The following RPRD2 variants were observed in gnomAD, a reference collection of about 807,000 sequenced individuals.
The protein encoded by RPRD2 is regulation of nuclear pre-mRNA domain-containing protein 2.
Under a neutral mutation model 104.4 loss-of-function variants are expected in RPRD2, and 12 were observed. The observed-to-expected ratio is 0.11, with a 90% CI of 0.07 to 0.19. RPRD2 has a LOEUF of 0.19. Among genes scored for constraint, RPRD2 ranks in the 10% least tolerant of loss-of-function variants. RPRD2 has a pLI of 1.00. For synonymous variants in RPRD2, 714 were observed against 684.9 expected (o/e 1.04, Z -0.66); for missense variants, 1,543 against 1,790.1 (o/e 0.86, Z 2.49).
chr1:150,413,931 GA>G (rs797035896), intron 1 of RPRD2, among the ~76,000 whole-genome samples: 51 of 142,700 alleles, frequency 3.6e-4, no homozygotes, highest in East Asian at 8.1e-4. Flanking sequence ...ATCTCAAAAA[GA>G]AAAAAAAAAA....
In RPRD2 at chr1:150,474,717, AC is replaced by A. The variant is rs1344985815; in HGVS notation, c.*1387del. On this transcript the variant is annotated 3_prime_UTR_variant, in exon 11 of 11. Coordinates refer to ENST00000369068, the MANE Select transcript of RPRD2 (RefSeq NM_015203.5). ...CAATTTTTTTTTAATTTAGTGTCTT[AC>A]CCCAAGGCATACTCAACTGATAATC... is the stretch of plus-strand genomic sequence containing the variant. The A allele has an allele frequency of 5.3e-5, 8 of 152,162 alleles. No individual in the cohort carries two copies. The highest frequency in any genetic ancestry group is 1.9e-4 in the African/African-American group (8 of 41,494). 9.4% of individuals were successfully genotyped at this position (152,162 alleles called of 1,614,324 possible).
intron 1 of RPRD2, among the ~76,000 whole-genome samples, chr1:150,384,955 A>G (rs1359795022): frequency 6.6e-6 from 1 of 151,868 alleles, no homozygotes; most frequent in Non-Finnish European, 1.5e-5. Context: ...GTTAAAGGCT[A>G]TAAGGCATGA....
chr1:150,454,353 C>T (rs1667378158), intron 7 of RPRD2, among the ~76,000 whole-genome samples: 1 of 152,098 alleles, frequency 6.6e-6, no homozygotes, highest in Non-Finnish European at 1.5e-5. Flanking sequence ...ATAATGTCAG[C>T]TTAGCTCTCC....
intron 6 of RPRD2, among the ~76,000 whole-genome samples, chr1:150,445,091 G>A (rs1553895310): frequency 6.6e-6 from 1 of 152,134 alleles, no homozygotes; most frequent in African/African-American, 2.4e-5. Flanking sequence ...GGAGGCTGAG[G>A]CAAGCAGATT....
chr1:150,395,249 A>G (rs1662411215), intron 1 of RPRD2, among the ~76,000 whole-genome samples: 1 of 152,134 alleles, frequency 6.6e-6, no homozygotes, highest in Non-Finnish European at 1.5e-5. Flanking sequence ...GTGAGAACAT[A>G]TGATGTTTGG....
rs1275983877 is a variant in RPRD2 at position 150,471,188 on chromosome 1, T to C, written c.2240T>C (p.Val747Ala). The change falls in exon 11 of 11, where the codon GTA (valine) becomes GCA (alanine). Residue 747 changes from valine to alanine, a missense_variant. Val to Ala is a moderately conservative substitution (Grantham distance 64). Transcript: ENST00000369068. The surrounding 1 kb of genome is among the most constrained non-coding windows in gnomAD (Gnocchi z 5.3). ...ATGGACAAGCCCACATCCAGCAGTG[T>C]AGATACTATGTCCCTGCTTTCTAAG... is the stretch of plus-strand genomic sequence containing the variant. Reference protein sequence around the residue: ...EMMDKPTSSSVDTMSLLSKII... With the variant: ...EMMDKPTSSSADTMSLLSKII... 1.2e-6 allele frequency: 2 copies of C among 1,613,760 alleles called. No homozygotes were observed. Among genetic ancestry groups the C allele is most frequent in the Non-Finnish European group, 1.7e-6 (2 of 1,179,874 alleles).
At chr1:150,400,528 A>G (rs1247387075) in intron 1 of RPRD2, among the ~76,000 whole-genome samples, 2 of 152,128 alleles carry the variant, frequency 1.3e-5, no homozygotes, top group African/African-American at 4.8e-5. Flanking sequence ...CGCAGTTAAC[A>G]ATAGAGTTTA....
chr1:150,432,060 G>A (rs970158127), intron 2 of RPRD2, among the ~76,000 whole-genome samples: 2 of 150,980 alleles, frequency 1.3e-5, no homozygotes, highest in Non-Finnish European at 2.9e-5. Flanking sequence ...CTTTTGAACT[G>A]TACACTAAAA....
At chr1:150,440,151 T>G (rs1666317214) in intron 2 of RPRD2, among the ~76,000 whole-genome samples, 1 of 152,136 alleles carries the variant, frequency 6.6e-6, no homozygotes, top group South Asian at 2.1e-4. Context: ...TCTCTCTGTT[T>G]CTCAGGCTGG....
chr1:150,369,861 A>G (rs1225204996), intron 1 of RPRD2, among the ~76,000 whole-genome samples: 1 of 151,192 alleles, frequency 6.6e-6, no homozygotes, highest in East Asian at 1.9e-4. Flanking sequence ...GCTCACTGCA[A>G]CCTCCATCTC....
chr1:150,468,003 T>A (rs1344398255), intron 10 of RPRD2, among the ~76,000 whole-genome samples: 2 of 151,272 alleles, frequency 1.3e-5, no homozygotes, highest in African/African-American at 4.9e-5. Flanking sequence ...CAAAAAAAAA[T>A]ACAAAAAAAT....
At position 150,393,174 on chromosome 1, in the gene RPRD2, CATT is replaced by C. The variant is rs587660870; in HGVS notation, c.206-24417_206-24415del. 1.5e-3 allele frequency among the ~76,000 whole-genome samples: 226 copies of C among 152,032 alleles called. 1 individual carries two copies. The highest frequency in any genetic ancestry group is 5.3e-3 in the African/African-American group (218 of 41,482). On this transcript the variant is annotated intron_variant, in intron 1 of 10. Coordinates refer to ENST00000369068, the MANE Select transcript of RPRD2 (RefSeq NM_015203.5). ...AAAGACGTTAAGACCCAAACCAAAA[CATT>C]ATTAAAGAGGGCTGGGTGCGGTGGC...
intron 8 of RPRD2, 111 bp from the exon 9 acceptor site, chr1:150,459,948 TA>T: frequency 1.1e-6 from 1 of 899,094 alleles, no homozygotes. Context: ...TTGTTTTCTC[TA>T]AAGTAGTGCC....
At chr1:150,401,540 T>C (rs1663007125) in intron 1 of RPRD2, among the ~76,000 whole-genome samples, 1 of 152,054 alleles carries the variant, frequency 6.6e-6, no homozygotes, top group Admixed American at 6.5e-5. Context: ...TGTAGTGGCA[T>C]GATCGTAGCT....
At chr1:150,382,452 G>A (rs1345076878) in intron 1 of RPRD2, among the ~76,000 whole-genome samples, 8 of 151,552 alleles carry the variant, frequency 5.3e-5, no homozygotes, top group African/African-American at 1.5e-4. Context: ...TGGCGATCTC[G>A]GCTCTGCCTC....
chr1:150,438,944 C>T (rs781860671), intron 2 of RPRD2, among the ~76,000 whole-genome samples: 8 of 152,088 alleles, frequency 5.3e-5, no homozygotes, highest in Non-Finnish European at 1.0e-4. Flanking sequence ...AAGCAATTCT[C>T]CTGCCTCAGC....
intron 3 of RPRD2, 78 bp from the exon 4 acceptor site, chr1:150,441,803 C>A: frequency 1.1e-6 from 1 of 903,292 alleles, no homozygotes; most frequent in Non-Finnish European, 1.7e-6. Flanking sequence ...TTTTTTCATG[C>A]TGCAACTTTG....
intron 10 of RPRD2, among the ~76,000 whole-genome samples, chr1:150,464,940 G>T (rs1553899612): frequency 1.3e-5 from 2 of 151,810 alleles, no homozygotes; most frequent in South Asian, 2.1e-4. Flanking sequence ...AGTGCTCTCG[G>T]CTCACTACAA....
At chr1:150,388,874 G>C (rs1288194743) in intron 1 of RPRD2, among the ~76,000 whole-genome samples, 1 of 151,934 alleles carries the variant, frequency 6.6e-6, no homozygotes, top group Non-Finnish European at 1.5e-5. Context: ...CAAAGTGCTA[G>C]GATACAGGCG....
Sources: gnomAD v4.1 joint callset for allele counts (sites outside exome capture counted in the v4.1 genomes callset) on GRCh38, gnomAD v4.1.1 for gene constraint, Gnocchi (gnomAD v3.1) non-coding constraint, MANE v1.5 for transcripts, NCBI Gene and HGNC (gene_info 2026-07-23, HGNC 2026-07-21) for gene names.